ARL6IP6: variants seen among roughly 807,000 people sequenced by gnomAD.
The protein encoded by ARL6IP6 is ADP-ribosylation factor-like protein 6-interacting protein 6.
Under a neutral mutation model 21.5 loss-of-function variants are expected in ARL6IP6, and 22 were observed. The ratio of observed to expected loss-of-function variants is 1.02; its 90% CI spans 0.73 to 1.46. The LOEUF is 1.46. ARL6IP6 is among the 40% of genes most tolerant of loss of function. The pLI is 0.00. For missense variants in ARL6IP6, 388 were observed against 299.8 expected, an observed-to-expected ratio of 1.29 and a Z score of -2.17; for synonymous variants, 164 against 125.3, an observed-to-expected ratio of 1.31 and a Z score of -2.06.
intron 2 of ARL6IP6, chr2:152,732,687 A>T (rs1700375850): frequency 3.4e-6 from 1 of 297,302 alleles, no homozygotes; most frequent in African/African-American, 2.3e-5. Context: ...CTCAGTATCC[A>T]TGAGGAATTG....
intron 2 of ARL6IP6, among the ~76,000 whole-genome samples, chr2:152,731,299 A>C (rs1700298012): frequency 6.6e-6 from 1 of 152,300 alleles, no homozygotes; most frequent in East Asian, 1.9e-4. Context: ...CTTTCTATTA[A>C]TAATTCTTCT....
intron 3 of ARL6IP6, among the ~76,000 whole-genome samples, chr2:152,742,570 T>TAAAA (rs71396304): frequency 1.6e-4 from 18 of 115,986 alleles, no homozygotes; most frequent in Non-Finnish European, 2.1e-4. Context: ...ATACGCTCTT[T>TAAAA]AAAAAAAAAA....
chr2:152,736,206 C>A (rs751071202), intron 3 of ARL6IP6, among the ~76,000 whole-genome samples: 1 of 152,116 alleles, frequency 6.6e-6, no homozygotes, highest in Non-Finnish European at 1.5e-5. Context: ...ACAATGCCAT[C>A]CCGTAGTTTA....
chr2:152,722,881 C>G (rs1699858808), intron 2 of ARL6IP6, among the ~76,000 whole-genome samples: 1 of 152,170 alleles, frequency 6.6e-6, no homozygotes, highest in Non-Finnish European at 1.5e-5. Flanking sequence ...GCATTCCATC[C>G]TCAGCAACAG....
At chr2:152,738,244 T>A (rs1160008563) in intron 3 of ARL6IP6, among the ~76,000 whole-genome samples, 1 of 152,212 alleles carries the variant, frequency 6.6e-6, no homozygotes, top group Non-Finnish European at 1.5e-5. Context: ...CTTTGCAGGG[T>A]ACAGCCTCCC....
intron 3 of ARL6IP6, among the ~76,000 whole-genome samples, chr2:152,739,136 C>G (rs920813464): frequency 1.9e-4 from 29 of 152,212 alleles, no homozygotes; most frequent in African/African-American, 7.0e-4. Flanking sequence ...GCGCCCACCA[C>G]CACGCCCGGC....
chr2:152,754,925 G>T (rs1364339589), intron 3 of ARL6IP6, among the ~76,000 whole-genome samples: 1 of 152,096 alleles, frequency 6.6e-6, no homozygotes, highest in Non-Finnish European at 1.5e-5. Context: ...GGCATGAGCT[G>T]TTCCACTATA....
chr2:152,745,934 A>G (rs1465200483), intron 3 of ARL6IP6, among the ~76,000 whole-genome samples: 1 of 150,866 alleles, frequency 6.6e-6, no homozygotes, highest in African/African-American at 2.4e-5. Context: ...TCCTCTAGGA[A>G]ATTGTATTAA....
At chr2:152,724,844 G>T (rs1464597472) in intron 2 of ARL6IP6, among the ~76,000 whole-genome samples, 1 of 152,134 alleles carries the variant, frequency 6.6e-6, no homozygotes, top group African/African-American at 2.4e-5. Flanking sequence ...CTGCTAGTTA[G>T]GGGGCTATAT....
chr2:152,739,194 C>A (rs1700694174), intron 3 of ARL6IP6, among the ~76,000 whole-genome samples: 1 of 152,064 alleles, frequency 6.6e-6, no homozygotes, highest in Non-Finnish European at 1.5e-5. Flanking sequence ...ACCATGTTAG[C>A]CAGGATGGTC....
At chr2:152,758,506 A>G (rs978259378) in intron 3 of ARL6IP6, among the ~76,000 whole-genome samples, 9 of 152,204 alleles carry the variant, frequency 5.9e-5, no homozygotes, top group Admixed American at 1.3e-4. Flanking sequence ...TTAAAGGGAC[A>G]AAGCATTATA....
Position 152,731,322 on chromosome 2 carries a change from TAACA to T in ARL6IP6, c.455-3671_455-3668del, listed in dbSNP as rs56778671. Among the ~76,000 whole-genome samples, 6 of 152,340 alleles carry T rather than the reference TAACA, an allele frequency of 3.9e-5. No homozygotes were observed. The East Asian group carries it at 1.2e-3, about 29-fold the overall frequency. ...TAATAATTCTTCTGAGTCTGTACTT[TAACA>T]GTTTTTTCAGTCTGTTACTGAGCTT... On this transcript the variant is annotated intron_variant, in intron 2 of 3. Coordinates refer to ENST00000326446, the MANE Select transcript of ARL6IP6 (RefSeq NM_152522.7).
At chr2:152,748,862 A>G (rs1023804194) in intron 3 of ARL6IP6, among the ~76,000 whole-genome samples, 2 of 152,246 alleles carry the variant, frequency 1.3e-5, no homozygotes, top group Non-Finnish European at 2.9e-5. Context: ...ATTGTAGTAT[A>G]GAGATTCAGT....
At chr2:152,724,485 C>T (rs1448073750) in intron 2 of ARL6IP6, among the ~76,000 whole-genome samples, 1 of 152,044 alleles carries the variant, frequency 6.6e-6, no homozygotes, top group East Asian at 1.9e-4. Context: ...TATAGCAAGG[C>T]AGAAAAAGAA....
chr2:152,720,496 A>G (rs1366749931), intron 1 of ARL6IP6, 37 bp from the exon 2 acceptor site: 2 of 1,595,574 alleles, frequency 1.3e-6, no homozygotes, highest in Non-Finnish European at 1.7e-6. Flanking sequence ...AAATTATAGT[A>G]TTGCTTTCCT....
At chr2:152,751,217 G>A (rs76178261) in intron 3 of ARL6IP6, among the ~76,000 whole-genome samples, 11 of 151,470 alleles carry the variant, frequency 7.3e-5, no homozygotes, top group African/African-American at 2.7e-4. Context: ...TTTATTTTTA[G>A]TTGACACATA....
At chr2:152,726,550 G>C (rs1700060343) in intron 2 of ARL6IP6, among the ~76,000 whole-genome samples, 1 of 152,200 alleles carries the variant, frequency 6.6e-6, no homozygotes, top group African/African-American at 2.4e-5. Flanking sequence ...TCTCAAGTTA[G>C]AAAACTATAG....
chr2:152,745,565 G>A (rs1178965672), intron 3 of ARL6IP6, among the ~76,000 whole-genome samples: 1 of 152,154 alleles, frequency 6.6e-6, no homozygotes, highest in Non-Finnish European at 1.5e-5. Flanking sequence ...TTAACATTGA[G>A]CACAGTGAAT....
intron 2 of ARL6IP6, among the ~76,000 whole-genome samples, chr2:152,722,564 T>C (rs1454484160): frequency 6.6e-6 from 1 of 152,206 alleles, no homozygotes; most frequent in African/African-American, 2.4e-5. Context: ...TTCTTAAAAA[T>C]CTGTTTCAGT....
Sources: allele counts gnomAD v4.1 joint callset (sites outside exome capture counted in the v4.1 genomes callset), GRCh38; gene constraint gnomAD v4.1.1; transcripts MANE v1.5; gene names NCBI Gene and HGNC (gene_info 2026-07-23, HGNC 2026-07-21).